Variants in SAMMSON observed in about 807,000 individuals in gnomAD.
SAMMSON encodes long intergenic non-protein coding RNA 1212.
At chr3:70,169,246 A>T (rs947557164) in intron 4 of SAMMSON, among the ~76,000 whole-genome samples, 1 of 152,088 alleles carries the variant, frequency 6.6e-6, no homozygotes, top group Non-Finnish European at 1.5e-5. Flanking sequence ...GATGGAAAAT[A>T]TCATTTGAAA....
chr3:70,204,124 G>A (rs940434136), intron 4 of SAMMSON, among the ~76,000 whole-genome samples: 2 of 152,090 alleles, frequency 1.3e-5, no homozygotes, highest in African/African-American at 4.8e-5. Context: ...TTTAAGTGGG[G>A]CAATGTATAT....
At chr3:70,088,871 A>T (rs1436907765) in intron 4 of SAMMSON, among the ~76,000 whole-genome samples, 1 of 152,130 alleles carries the variant, frequency 6.6e-6, no homozygotes, top group Non-Finnish European at 1.5e-5. Flanking sequence ...ATCCCTCAAG[A>T]TCTCAGATCA....
At position 70,279,418 on chromosome 3, in the gene SAMMSON, C is replaced by A. The variant is rs370617115; in HGVS notation, n.675-11761C>A. Among the ~76,000 whole-genome samples, 22 of 152,206 alleles carry A rather than the reference C, an allele frequency of 1.4e-4. No homozygotes were observed. In the South Asian group the frequency reaches 4.6e-3, roughly 32 times the overall value. On this transcript the variant is annotated intron_variant and non_coding_transcript_variant, in intron 6 of 9. Coordinates refer to ENST00000642114, the Ensembl canonical transcript of SAMMSON. ...TATATCACACTCGTCAGAAAGACCT[C>A]TGGACTTTATCTCCTTCACATCTCT...
chr3:70,272,553 T>C (rs1701985213), intron 6 of SAMMSON, among the ~76,000 whole-genome samples: 1 of 152,256 alleles, frequency 6.6e-6, no homozygotes, highest in African/African-American at 2.4e-5. Context: ...TGAATAAGGC[T>C]GCTATAAACA....
intron 3 of SAMMSON, among the ~76,000 whole-genome samples, chr3:70,033,548 G>A (rs149547030): frequency 1.4e-3 from 207 of 152,284 alleles, no homozygotes; most frequent in African/African-American, 4.6e-3. Flanking sequence ...TTGAAAAACC[G>A]TATGAGACAT....
intron 4 of SAMMSON, among the ~76,000 whole-genome samples, chr3:70,211,367 C>T (rs753054252): frequency 0.27 from 474 of 1,738 alleles, 176 homozygotes; most frequent in Non-Finnish European, 0.51. Flanking sequence ...TCCCTTTGCC[C>T]TTCCCTTCCC....
At chr3:70,368,147 C>T (rs1334694965) in intron 9 of SAMMSON, among the ~76,000 whole-genome samples, 1 of 151,262 alleles carries the variant, frequency 6.6e-6, no homozygotes. Context: ...ATGTTTTCTT[C>T]AGGCAGTGCT....
chr3:70,021,334 G>A (rs1272196148), intron 3 of SAMMSON, among the ~76,000 whole-genome samples: 1 of 152,218 alleles, frequency 6.6e-6, no homozygotes, highest in African/African-American at 2.4e-5. Flanking sequence ...CAAGAAAGAA[G>A]CCAGTATATG....
At chr3:70,322,723 C>A (rs922984124) in intron 7 of SAMMSON, among the ~76,000 whole-genome samples, 2 of 151,986 alleles carry the variant, frequency 1.3e-5, no homozygotes, top group African/African-American at 4.8e-5. Context: ...TCTTTGTATC[C>A]TTTAAAGAAC....
intron 9 of SAMMSON, among the ~76,000 whole-genome samples, chr3:70,359,851 A>G (rs563306999): frequency 6.6e-6 from 1 of 152,262 alleles, no homozygotes; most frequent in South Asian, 2.1e-4. Context: ...GTTAGCATAT[A>G]CTTTTCTCCA....
chr3:70,411,315 A>G (rs1390847509), intron 2 of SAMMSON, among the ~76,000 whole-genome samples: 1 of 152,198 alleles, frequency 6.6e-6, no homozygotes, highest in Non-Finnish European at 1.5e-5. Context: ...AGGATTTTAA[A>G]TAAGTGAAGT....
chr3:70,109,588 A>G (rs530991714), intron 4 of SAMMSON, among the ~76,000 whole-genome samples: 1 of 152,276 alleles, frequency 6.6e-6, no homozygotes, highest in African/African-American at 2.4e-5. Flanking sequence ...TCTACCTCGT[A>G]TGAGTATGTG....
intron 4 of SAMMSON, among the ~76,000 whole-genome samples, chr3:70,232,244 G>A (rs1172919724): frequency 2.0e-5 from 3 of 152,158 alleles, no homozygotes; most frequent in Admixed American, 2.0e-4. Context: ...AACAGCTTTG[G>A]ACACACCAAG....
chr3:70,182,919 T>C (rs1701065288), intron 4 of SAMMSON, among the ~76,000 whole-genome samples: 1 of 149,964 alleles, frequency 6.7e-6, no homozygotes, highest in South Asian at 2.1e-4. Context: ...ATTTTTTTTG[T>C]AACTGTATAT....
intron 4 of SAMMSON, among the ~76,000 whole-genome samples, chr3:70,163,025 T>A (rs1212698036): frequency 6.6e-6 from 1 of 151,788 alleles, no homozygotes; most frequent in South Asian, 2.1e-4. Context: ...TTAATCTTAT[T>A]TTATCTTTGA....
intron 4 of SAMMSON, among the ~76,000 whole-genome samples, chr3:70,243,568 A>G (rs1224996666): frequency 1.3e-5 from 2 of 152,092 alleles, no homozygotes; most frequent in Non-Finnish European, 2.9e-5. Context: ...CACTATCGTC[A>G]TTTTGGACTG....
At chr3:70,243,678 G>A (rs753423762) in intron 4 of SAMMSON, among the ~76,000 whole-genome samples, 44 of 152,194 alleles carry the variant, frequency 2.9e-4, no homozygotes, top group Non-Finnish European at 4.7e-4. Context: ...CTTCTCCAAC[G>A]TCTCCAGGTA....
intron 6 of SAMMSON, among the ~76,000 whole-genome samples, chr3:70,256,774 C>T (rs527975361): frequency 1.3e-5 from 2 of 152,266 alleles, no homozygotes; most frequent in East Asian, 1.9e-4. Flanking sequence ...TCATTTACTT[C>T]CAAGTTAAGA....
At chr3:70,212,841 G>A (rs1246275878) in intron 4 of SAMMSON, among the ~76,000 whole-genome samples, 3 of 151,930 alleles carry the variant, frequency 2.0e-5, no homozygotes, top group Non-Finnish European at 4.4e-5. Flanking sequence ...AGGCTGGAGT[G>A]CAGTGGTGGT....
Sources: gnomAD v4.1 joint callset for allele counts (sites outside exome capture counted in the v4.1 genomes callset) on GRCh38, gnomAD v4.1.1 for gene constraint, MANE v1.5 for transcripts, NCBI Gene and HGNC (gene_info 2026-07-23, HGNC 2026-07-21) for gene names.